The following ZNF679 variants were observed in gnomAD, a reference collection of about 807,000 sequenced individuals.
ZNF679 encodes the protein hypothetical protein MGC42415.
Under a neutral mutation model 13.4 loss-of-function variants are expected in ZNF679, and 10 were observed. The observed-to-expected ratio is 0.75, with a 90% confidence interval of 0.46 to 1.27. The LOEUF is 1.27. Ranked by LOEUF, ZNF679 falls within the 50% of genes most tolerant of loss-of-function variation. The pLI is 0.00. For synonymous variants in ZNF679, 179 were observed against 162.5 expected, an observed-to-expected ratio of 1.10 and a Z score of -0.77; for missense variants, 525 against 477.8, an observed-to-expected ratio of 1.10 and a Z score of -0.92.
chr7:64,231,630 G>A (rs751465981), intron 1 of ZNF679, among the ~76,000 whole-genome samples: 9 of 152,142 alleles, frequency 5.9e-5, no homozygotes, highest in Non-Finnish European at 1.0e-4. Flanking sequence ...CCTAGGTGAT[G>A]AACCCAGAGA....
intron 1 of ZNF679, among the ~76,000 whole-genome samples, chr7:64,230,399 G>T (rs1787620655): frequency 6.6e-6 from 1 of 151,922 alleles, no homozygotes; most frequent in African/African-American, 2.4e-5. Flanking sequence ...CGGGCGCGGT[G>T]GCGGGCGCCT....
chr7:64,264,000 T>C (rs1321402793), intron 4 of ZNF679, among the ~76,000 whole-genome samples: 1 of 152,158 alleles, frequency 6.6e-6, no homozygotes, highest in Non-Finnish European at 1.5e-5. Flanking sequence ...ATTTTATTTC[T>C]TGCTTCACTT....
intron 1 of ZNF679, among the ~76,000 whole-genome samples, chr7:64,248,551 ATTACAG>A (rs1327630608): frequency 8.5e-5 from 13 of 152,182 alleles, no homozygotes; most frequent in Admixed American, 3.3e-4. Context: ...AAGTGCTGGG[ATTACAG>A]GCCTGAGCCC....
chr7:64,264,872 A>ATTTCTTACATTATTTT (rs2115619373), intron 4 of ZNF679, among the ~76,000 whole-genome samples: 1 of 151,646 alleles, frequency 6.6e-6, no homozygotes, highest in South Asian at 2.1e-4. Context: ...TAGCTTCTTC[A>ATTTCTTACATTATTTT]TTTCTTACAT....
intron 1 of ZNF679, 145 bp downstream of exon 1, chr7:64,228,797 T>C (rs556828346): frequency 1.3e-5 from 2 of 152,210 alleles, no homozygotes; most frequent in Non-Finnish European, 2.9e-5. Context: ...AGAGTCACTA[T>C]CCTACCTGTT....
At chr7:64,233,858 A>G (rs563987374) in intron 1 of ZNF679, among the ~76,000 whole-genome samples, 19 of 152,312 alleles carry the variant, frequency 1.2e-4, no homozygotes, top group Non-Finnish European at 2.6e-4. Flanking sequence ...ATCCGTGTAC[A>G]TAAGAAAAAG....
chr7:64,251,588 G>A (rs954778837), intron 2 of ZNF679, among the ~76,000 whole-genome samples: 1 of 152,052 alleles, frequency 6.6e-6, no homozygotes, highest in African/African-American at 2.4e-5. Context: ...GTTTTTTTGG[G>A]GGAAACCCTA....
intron 2 of ZNF679, among the ~76,000 whole-genome samples, chr7:64,255,253 G>A (rs915919425): frequency 2.6e-5 from 4 of 152,018 alleles, no homozygotes; most frequent in African/African-American, 2.4e-5. Context: ...TTCTTTCACC[G>A]CTACCACCAC....
Position 64,249,042 on chromosome 7 carries a change from T to A in ZNF679, c.-76T>A, listed in dbSNP as rs982831901. 6 of 1,603,894 alleles carry A rather than the reference T, an allele frequency of 3.7e-6. No individual in the cohort carries two copies. The African/African-American group carries it at 8.0e-5, about 21-fold the overall frequency. On this transcript the variant is annotated 5_prime_UTR_variant, in exon 2 of 5. Coordinates refer to ENST00000421025, the MANE Select transcript of ZNF679 (RefSeq NM_153363.3). ...TCTGCGTCCAGAGCTCCAGTTCTTC[T>A]CTTCACTGCTCTGCGTCCTCTGTTC... is the stretch of plus-strand genomic sequence containing the variant.
At position 64,260,338 on chromosome 7, in the gene ZNF679, G is replaced by T; in HGVS notation, c.157G>T (p.Val53Phe). 6.2e-7 allele frequency: 1 copy of T among 1,608,096 alleles called. No homozygotes were observed. ...GATGTTAGAGAACTACAGAAACCTG[G>T]TCTCCCTGGGTGAGGATAACTTCAA... ...DVMLENYRNLVSLGIAVSKPD... is the reference protein window; with the variant it reads ...DVMLENYRNLFSLGIAVSKPD... The change falls in exon 3 of 5, where the codon GTC becomes TTC. Residue 53 changes from valine (V) to phenylalanine (F), a missense_variant. Transcript: ENST00000421025.
At position 64,255,515 on chromosome 7, in the gene ZNF679, C is replaced by G. The variant is rs1787994422; in HGVS notation, c.40-4706C>G. ...TCATAGTCTAATCTGCCTGCATGGA[C>G]ACAGGACTAAATCAGAGTATAGCCC... On this transcript the variant is annotated intron_variant, in intron 2 of 4. Transcript: ENST00000421025. 2.0e-5 allele frequency among the ~76,000 whole-genome samples: 3 copies of G among 152,176 alleles called. No homozygotes were observed. In the South Asian group the frequency reaches 6.2e-4, roughly 31 times the overall value.
intron 2 of ZNF679, among the ~76,000 whole-genome samples, chr7:64,251,696 G>T (rs1787946434): frequency 1.3e-5 from 2 of 152,142 alleles, no homozygotes; most frequent in African/African-American, 4.8e-5. Flanking sequence ...GACCATGTCT[G>T]CCACAGTGTC....
chr7:64,254,049 G>A (rs1461532659), intron 2 of ZNF679, among the ~76,000 whole-genome samples: 1 of 152,106 alleles, frequency 6.6e-6, no homozygotes, highest in East Asian at 1.9e-4. Context: ...ATAATGGGGA[G>A]AACGTTTCTT....
chr7:64,236,949 GA>G (rs772234318), intron 1 of ZNF679, among the ~76,000 whole-genome samples: 29,465 of 88,644 alleles, frequency 0.33, 3,394 homozygotes, highest in East Asian at 0.45. Context: ...AAGAAAGAAA[GA>G]AAGAAAGAAA....
intron 2 of ZNF679, among the ~76,000 whole-genome samples, chr7:64,254,993 C>A (rs1469749929): frequency 2.1e-5 from 2 of 95,712 alleles, no homozygotes; most frequent in Non-Finnish European, 4.5e-5. Flanking sequence ...GAGTGAGACT[C>A]CATCTCAAAA....
intron 1 of ZNF679, among the ~76,000 whole-genome samples, chr7:64,234,314 G>T (rs1306254770): frequency 3.9e-5 from 6 of 152,216 alleles, no homozygotes; most frequent in Admixed American, 3.9e-4. Flanking sequence ...AAACCTCCTG[G>T]TGGGTAATCA....
At chr7:64,261,889 A>T in intron 4 of ZNF679, among the ~76,000 whole-genome samples, 3 of 130,498 alleles carry the variant, frequency 2.3e-5, no homozygotes, top group African/African-American at 2.9e-5. Flanking sequence ...ACTGAGTTTC[A>T]CTCTTGTTGC....
Position 64,266,116 on chromosome 7 carries a change from T to A in ZNF679, c.483T>A (p.Cys161Ter), listed in dbSNP as rs1788143425. The A allele has an allele frequency of 6.2e-7, 1 of 1,611,388 alleles. No homozygotes were observed. Among genetic ancestry groups the A allele is most frequent in the Middle Eastern group, 1.7e-4 (1 of 6,058 alleles). Residue 161 changes from cysteine (C) to a stop codon, truncating the protein, a stop_gained, in exon 5 of 5, where the codon TGT becomes TGA. Coordinates refer to ENST00000421025, the MANE Select transcript of ZNF679 (RefSeq NM_153363.3). LOFTEE classifies it low-confidence loss of function (END_TRUNC). ...ACAAAATATTTCAGACTCATAAATG[T>A]GTCAAAGTCTTCGGCAAATTTTCAA... Reference protein sequence around the residue: ...TQNKIFQTHKCVKVFGKFSNS... With the variant: ...TQNKIFQTHK
chr7:64,265,848 T>C, intron 4 of ZNF679, 48 bp from the exon 5 acceptor site: 1 of 1,572,614 alleles, frequency 6.4e-7, no homozygotes, highest in Non-Finnish European at 8.6e-7. Context: ...AAAGTATATC[T>C]ATCTGGGTGT....
Sources: gnomAD v4.1 joint callset for allele counts (sites outside exome capture counted in the v4.1 genomes callset) on GRCh38, gnomAD v4.1.1 for gene constraint, MANE v1.5 for transcripts, NCBI Gene and HGNC (gene_info 2026-07-23, HGNC 2026-07-21) for gene names.